Variants in ZBTB16 observed in about 807,000 individuals in gnomAD.
ZBTB16 encodes zinc finger and BTB domain containing 16.
A neutral mutation model predicts 56.8 loss-of-function variants in ZBTB16; 8 were observed. The observed-to-expected ratio is 0.14, with a 90% CI of 0.08 to 0.25. ZBTB16 has a LOEUF of 0.25. Ranked by LOEUF, ZBTB16 falls within the 10% of genes least tolerant of loss-of-function variation. ZBTB16 has a pLI of 1.00. For synonymous variants in ZBTB16, 363 were observed against 368.5 expected (o/e 0.98, Z 0.17); for missense variants, 625 against 903.0 (o/e 0.69, Z 3.95).
chr11:114,172,602 A>C (rs551861535), intron 3 of ZBTB16, among the ~76,000 whole-genome samples: 1 of 152,052 alleles, frequency 6.6e-6, no homozygotes, highest in East Asian at 1.9e-4. Flanking sequence ...CAGGCTGCCC[A>C]TTTCTCCCAG....
intron 4 of ZBTB16, among the ~76,000 whole-genome samples, chr11:114,232,819 C>G (rs971920052): frequency 1.7e-4 from 26 of 152,328 alleles, no homozygotes; most frequent in African/African-American, 6.0e-4. Context: ...CTCCCACCCC[C>G]ATGTGGGCCC....
At chr11:114,184,835 T>G (rs534236197) in intron 3 of ZBTB16, among the ~76,000 whole-genome samples, 9 of 152,208 alleles carry the variant, frequency 5.9e-5, no homozygotes, top group Middle Eastern at 3.4e-3. Context: ...TTCTGGCTCG[T>G]ACGAGGCTCC....
intron 3 of ZBTB16, among the ~76,000 whole-genome samples, chr11:114,164,665 C>A (rs1942692639): frequency 6.6e-6 from 1 of 152,216 alleles, no homozygotes; most frequent in Non-Finnish European, 1.5e-5. Flanking sequence ...TCTTAGGAGG[C>A]CTGGCCGTGC....
At chr11:114,094,272 G>A (rs1215882763) in intron 2 of ZBTB16, among the ~76,000 whole-genome samples, 1 of 152,128 alleles carries the variant, frequency 6.6e-6, no homozygotes, top group Admixed American at 6.5e-5. Flanking sequence ...CTGAGGTTGT[G>A]CCACTGCACT....
At chr11:114,088,766 G>A (rs1940062686) in intron 2 of ZBTB16, among the ~76,000 whole-genome samples, 2 of 152,258 alleles carry the variant, frequency 1.3e-5, no homozygotes, top group African/African-American at 4.8e-5. Flanking sequence ...TGTTAAAGCA[G>A]AGTCATCTTT....
chr11:114,094,526 G>T (rs1940309143), intron 2 of ZBTB16, among the ~76,000 whole-genome samples: 1 of 152,318 alleles, frequency 6.6e-6, no homozygotes, highest in Admixed American at 6.5e-5. Context: ...GCTTCTAGGG[G>T]ATGGTGGCAA....
intron 4 of ZBTB16, among the ~76,000 whole-genome samples, chr11:114,236,635 C>T (rs1374467160): frequency 6.6e-6 from 1 of 152,146 alleles, no homozygotes; most frequent in African/African-American, 2.4e-5. Context: ...GGACTGTAGT[C>T]TGAACTTTCC....
intron 3 of ZBTB16, among the ~76,000 whole-genome samples, chr11:114,169,057 C>T (rs540885295): frequency 6.6e-6 from 1 of 152,184 alleles, no homozygotes; most frequent in South Asian, 2.1e-4. Context: ...TGTCATGCCC[C>T]CCACTCCTCC....
intron 4 of ZBTB16, among the ~76,000 whole-genome samples, chr11:114,206,550 C>G (rs1216037533): frequency 2.6e-5 from 4 of 152,226 alleles, no homozygotes; most frequent in African/African-American, 9.6e-5. Flanking sequence ...CTGTATGGGC[C>G]TGAGGAGCCC....
Position 114,128,414 on chromosome 11 carries a change from T to C in ZBTB16, c.1269-27923T>C, listed in dbSNP as rs560631566. On this transcript the variant is annotated intron_variant, in intron 2 of 6. Coordinates refer to ENST00000335953, the MANE Select transcript of ZBTB16 (RefSeq NM_006006.6). ...GGGGTGAAGTGAAGATCTCAGACTC[T>C]GGAGTCAGACAGTCTGGGGTTTGAA... 4.5e-3 allele frequency among the ~76,000 whole-genome samples: 687 copies of C among 152,274 alleles called. 6 individuals are homozygous for C. The highest frequency in any genetic ancestry group is 0.015 in the African/African-American group (634 of 41,556).
chr11:114,124,546 A>T (rs1941437360), intron 2 of ZBTB16, among the ~76,000 whole-genome samples: 1 of 133,596 alleles, frequency 7.5e-6, no homozygotes, highest in Admixed American at 7.3e-5. Context: ...AAACAAAACA[A>T]AAAAAAAAAC....
chr11:114,119,267 A>G (rs1049494732), intron 2 of ZBTB16, among the ~76,000 whole-genome samples: 4 of 47,578 alleles, frequency 8.4e-5, no homozygotes, highest in African/African-American at 2.3e-4. Context: ...TCTGTCTCAA[A>G]AAAAAAAAAA....
Position 114,095,450 on chromosome 11 carries a change from C to T in ZBTB16, c.1268+30882C>T, listed in dbSNP as rs113197842. ...TAATTTTTTGTATATTTAGTAGAGA[C>T]GGGGTTTCACCGTGTTAGCCAGGAT... is the stretch of plus-strand genomic sequence containing the variant. On this transcript the variant is annotated intron_variant, in intron 2 of 6. Transcript: ENST00000335953. Among the ~76,000 whole-genome samples, 1,262 of 151,808 alleles carry T rather than the reference C, an allele frequency of 8.3e-3. 16 individuals are homozygous for T. Among genetic ancestry groups the T allele is most frequent in the African/African-American group, 0.027 (1,137 of 41,348 alleles).
At chr11:114,172,413 A>T (rs1218760536) in intron 3 of ZBTB16, among the ~76,000 whole-genome samples, 2 of 152,176 alleles carry the variant, frequency 1.3e-5, no homozygotes, top group Non-Finnish European at 2.9e-5. Flanking sequence ...TTTGAGCCTC[A>T]CAAGACCCAT....
chr11:114,148,863 GGTGTGTGTGTGTGT>G (rs35071911), intron 2 of ZBTB16, among the ~76,000 whole-genome samples: 5 of 143,954 alleles, frequency 3.5e-5, no homozygotes, highest in South Asian at 2.3e-4. Context: ...GTTTTTTACT[GGTGTGTGTGTGTGT>G]GTGTGTGTGT....
chr11:114,193,415 C>T (rs1453043009), intron 4 of ZBTB16, among the ~76,000 whole-genome samples: 4 of 152,236 alleles, frequency 2.6e-5, no homozygotes, highest in Admixed American at 6.5e-5. Context: ...GGGCAGGTGT[C>T]GTGCTCAGTG....
chr11:114,147,563 T>A (rs1305875871), intron 2 of ZBTB16, among the ~76,000 whole-genome samples: 2 of 152,200 alleles, frequency 1.3e-5, no homozygotes, highest in Non-Finnish European at 2.9e-5. Flanking sequence ...GCTGACATCA[T>A]CAAGCATGCA....
rs891455814 is a variant in ZBTB16, at chr11:114,063,904, G to T, written c.604G>T (p.Ala202Ser). 1 of 1,613,938 alleles carries T rather than the reference G, an allele frequency of 6.2e-7. No homozygotes were observed. Among genetic ancestry groups the T allele is most frequent in the African/African-American group, 1.3e-5 (1 of 74,936 alleles). Reference protein sequence around the residue: ...GLSAMSPTKAAVDSLMTIGQS... With the variant: ...GLSAMSPTKASVDSLMTIGQS... ...TTCAGCCATGAGTCCCACCAAGGCT[G>T]CAGTGGACAGTTTGATGACCATAGG... is the stretch of plus-strand genomic sequence containing the variant. The change falls in exon 2 of 7, where the codon GCA (alanine) becomes TCA (serine). Residue 202 changes from alanine to serine, a missense_variant. Physicochemically the swap from Ala to Ser is moderately conservative, Grantham distance 99. This residue lies in a region of ZBTB16 where 384 missense variants were observed against 393.5 expected (regional missense o/e 0.98). Transcript: ENST00000335953. This position sits in a 1 kb window ranked among gnomAD's most constrained non-coding sequence, Gnocchi z 6.5.
At chr11:114,233,040 C>T (rs1370951620) in intron 4 of ZBTB16, among the ~76,000 whole-genome samples, 1 of 136,724 alleles carries the variant, frequency 7.3e-6, no homozygotes, top group Non-Finnish European at 1.7e-5. Context: ...CATCCCCGGC[C>T]CCACCCACTC....
Sources: gnomAD v4.1 joint callset for allele counts (sites outside exome capture counted in the v4.1 genomes callset) on GRCh38, gnomAD v4.1.1 for gene constraint, gnomAD v4.1.1 regional missense constraint, Gnocchi (gnomAD v3.1) non-coding constraint, MANE v1.5 for transcripts, NCBI Gene and HGNC (gene_info 2026-07-23, HGNC 2026-07-21) for gene names.